SEMA3A: variants seen among roughly 807,000 people sequenced by gnomAD.
SEMA3A encodes semaphorin 3A.
SEMA3A carries 29 observed loss-of-function variants against 97.9 expected under a neutral mutation model. The ratio of observed to expected loss-of-function variants is 0.30; its 90% CI spans 0.22 to 0.40. SEMA3A has a LOEUF of 0.40. Ranked by LOEUF, SEMA3A falls within the 10% of genes least tolerant of loss-of-function variation. SEMA3A has a pLI of 1.00. For missense variants in SEMA3A, 763 were observed against 951.3 expected (o/e 0.80, Z 2.60); for synonymous variants, 321 against 323.7 (o/e 0.99, Z 0.09).
Position 84,091,167 on chromosome 7 carries a change from G to GGAAAGAAAGAAAGAAAGAAA in SEMA3A, c.453+19283_453+19302dup, listed in dbSNP as rs1165324789. Among the ~76,000 whole-genome samples, 34 of 42,888 alleles carry GGAAAGAAAGAAAGAAAGAAA rather than the reference G, an allele frequency of 7.9e-4. 1 individual carries two copies. Among genetic ancestry groups the GGAAAGAAAGAAAGAAAGAAA allele is most frequent in the African/African-American group, 9.3e-4 (12 of 12,920 alleles). The allele number at this position is 42,888 out of a possible 152,430, so 28.1% of individuals were successfully genotyped here. A position where few individuals can be genotyped will look rare whatever the true frequency, so the allele number is the denominator to read the frequency against. On this transcript the variant is annotated intron_variant, in intron 4 of 16. Transcript: ENST00000265362. Reference sequence around the variant, plus strand: ...AGGAAGGAAGGAAGGAAGGAAGGAAGGAAAGAAAGAAAGAAAGAAAGAAAG... The same window carrying GGAAAGAAAGAAAGAAAGAAA: ...AGGAAGGAAGGAAGGAAGGAAGGAAGGAAAGAAAGAAAGAAAGAAAGAAAGAAAGAAAGAAAGAAAGAAAG...
intron 9 of SEMA3A, among the ~76,000 whole-genome samples, chr7:84,009,557 A>G (rs1273967209): frequency 1.3e-5 from 2 of 152,112 alleles, no homozygotes; most frequent in Non-Finnish European, 2.9e-5. Flanking sequence ...TCGATTTTTA[A>G]TTATTTTTCT....
chr7:84,312,872 TTATATATATATATATA>T (rs377261705), intron 2 of SEMA3A, among the ~76,000 whole-genome samples: 1,815 of 48,826 alleles, frequency 0.037, 130 homozygotes, highest in Non-Finnish European at 0.034. Context: ...TGGTGTTGTT[TTATATATATATATATA>T]TATATATATA....
chr7:84,436,418 T>G (rs1156563057), intron 1 of SEMA3A, among the ~76,000 whole-genome samples: 1 of 152,160 alleles, frequency 6.6e-6, no homozygotes, highest in Non-Finnish European at 1.5e-5. Context: ...AAGAAAATAT[T>G]TTCAAACTAT....
Position 84,153,645 on chromosome 7 carries a change from A to G in SEMA3A, c.113-18694T>C, listed in dbSNP as rs1009987086. On this transcript the variant is annotated intron_variant, in intron 1 of 16. Coordinates refer to ENST00000265362, the MANE Select transcript of SEMA3A (RefSeq NM_006080.3). ...TTTTTGTTATTTAAACAACTCTGCC[A>G]TGAATTTCCCCTTTAATATAGATAT... 2.6e-5 allele frequency among the ~76,000 whole-genome samples: 4 copies of G among 152,280 alleles called. No homozygotes were observed. The East Asian group carries it at 7.7e-4, about 29-fold the overall frequency.
chr7:84,200,305 G>A (rs1469100270), intron 3 of SEMA3A, among the ~76,000 whole-genome samples: 1 of 152,098 alleles, frequency 6.6e-6, no homozygotes, highest in Non-Finnish European at 1.5e-5. Context: ...AAACAATACA[G>A]AAGGAGACCA....
intron 1 of SEMA3A, among the ~76,000 whole-genome samples, chr7:84,410,454 C>G (rs891918583): frequency 6.6e-6 from 1 of 152,204 alleles, no homozygotes; most frequent in Non-Finnish European, 1.5e-5. Flanking sequence ...GCACACTCCC[C>G]AGACTACTTG....
intron 6 of SEMA3A, among the ~76,000 whole-genome samples, chr7:84,029,810 TACACACACAC>T (rs34158057): frequency 8.6e-6 from 1 of 116,788 alleles, no homozygotes; most frequent in Admixed American, 8.8e-5. Flanking sequence ...CCCTTCCATA[TACACACACAC>T]ACACACACAC....
intron 1 of SEMA3A, among the ~76,000 whole-genome samples, chr7:84,377,523 A>G (rs943367902): frequency 1.6e-4 from 25 of 152,118 alleles, no homozygotes; most frequent in African/African-American, 5.6e-4. Flanking sequence ...TAAATTTTGA[A>G]GTCAGGTAGT....
chr7:84,022,771 T>A (rs994632369), intron 6 of SEMA3A, among the ~76,000 whole-genome samples: 6 of 152,154 alleles, frequency 3.9e-5, no homozygotes, highest in Non-Finnish European at 8.8e-5. Context: ...GTAAATAGAA[T>A]TGAGAAGGAT....
chr7:84,445,698 C>T (rs1349195507), intron 1 of SEMA3A, among the ~76,000 whole-genome samples: 1 of 151,374 alleles, frequency 6.6e-6, no homozygotes, highest in Non-Finnish European at 1.5e-5. Flanking sequence ...TAAGCTGAAA[C>T]TCATGGTGCA....
At chr7:84,407,978 G>A (rs890267885) in intron 1 of SEMA3A, among the ~76,000 whole-genome samples, 3 of 152,128 alleles carry the variant, frequency 2.0e-5, no homozygotes, top group African/African-American at 7.2e-5. Flanking sequence ...CAGGACATAA[G>A]CATGGGCAAG....
intron 14 of SEMA3A, among the ~76,000 whole-genome samples, chr7:83,980,621 A>T (rs866324094): frequency 0.27 from 21,138 of 77,120 alleles, 2,194 homozygotes; most frequent in East Asian, 0.51. Flanking sequence ...AAAAAAAAAA[A>T]AAATATATAT....
chr7:84,109,489 C>T lies in SEMA3A; in HGVS notation c.453+981G>A, dbSNP rs182576300. 1.3e-3 allele frequency among the ~76,000 whole-genome samples: 200 copies of T among 152,248 alleles called. 4 individuals carry two copies. The South Asian group carries it at 0.019, about 14-fold the overall frequency. On this transcript the variant is annotated intron_variant, in intron 4 of 16. Transcript: ENST00000265362. ...ACATAATCTCTAAGGTGCTTTCTTA[C>T]ACAAAGAAGATATAACACAAACTGT...
At chr7:83,963,721 T>C (rs1788569777) in intron 15 of SEMA3A, among the ~76,000 whole-genome samples, 1 of 152,212 alleles carries the variant, frequency 6.6e-6, no homozygotes, top group African/African-American at 2.4e-5. Context: ...GTTTGTATTA[T>C]ATTATTCTGT....
Position 84,052,069 on chromosome 7 carries a change from T to C in SEMA3A, c.548-5626A>G, listed in dbSNP as rs536522714. 7.2e-5 allele frequency among the ~76,000 whole-genome samples: 11 copies of C among 152,298 alleles called. No individual in the cohort carries two copies. In the East Asian group the frequency reaches 2.1e-3, roughly 29 times the overall value. ...CATCCCAGGGATGAAGCCCACTTGA[T>C]CATGGCGGATAAGCTTTTTGATGTG... On this transcript the variant is annotated intron_variant, in intron 5 of 16. Transcript: ENST00000265362.
intron 6 of SEMA3A, among the ~76,000 whole-genome samples, chr7:84,022,062 C>T (rs1278084582): frequency 6.6e-6 from 1 of 152,034 alleles, no homozygotes; most frequent in Non-Finnish European, 1.5e-5. Flanking sequence ...TTTCTATTTG[C>T]AATTCTTCAG....
At chr7:84,301,198 G>A (rs1026032847) in intron 3 of SEMA3A, among the ~76,000 whole-genome samples, 3 of 151,946 alleles carry the variant, frequency 2.0e-5, no homozygotes, top group African/African-American at 7.2e-5. Context: ...AGGCTTCCTA[G>A]TACTCAATAG....
chr7:84,295,422 G>C (rs1213405905), intron 3 of SEMA3A, among the ~76,000 whole-genome samples: 1 of 151,960 alleles, frequency 6.6e-6, no homozygotes, highest in African/African-American at 2.4e-5. Flanking sequence ...TTTTTCAAAA[G>C]AATACATTTT....
At chr7:84,397,884 C>T (rs554165233) in intron 1 of SEMA3A, among the ~76,000 whole-genome samples, 2 of 152,028 alleles carry the variant, frequency 1.3e-5, no homozygotes, top group Non-Finnish European at 2.9e-5. Flanking sequence ...GACAAATAGG[C>T]CATGGGGTTT....
Sources: gnomAD v4.1 joint callset for allele counts (sites outside exome capture counted in the v4.1 genomes callset) on GRCh38, gnomAD v4.1.1 for gene constraint, MANE v1.5 for transcripts, NCBI Gene and HGNC (gene_info 2026-07-23, HGNC 2026-07-21) for gene names.